The following UGT1A1 variants were observed in gnomAD, a reference collection of about 807,000 sequenced individuals.
UGT1A1 encodes UDP-glucuronosyltransferase 1A1.
Under a neutral mutation model 40.6 loss-of-function variants are expected in UGT1A1, and 33 were observed. The ratio of observed to expected loss-of-function variants is 0.81; its 90% CI spans 0.62 to 1.09. The LOEUF is 1.09. Ranked by LOEUF, UGT1A1 falls within the 50% of genes least tolerant of loss-of-function variation. The pLI is 0.00. For missense variants in UGT1A1, 694 were observed against 671.2 expected (o/e 1.03, Z -0.38); for synonymous variants, 249 against 265.0 (o/e 0.94, Z 0.59).
chr2:233,765,939 C>T (rs570894932), intron 1 of UGT1A1, among the ~76,000 whole-genome samples: 8 of 152,214 alleles, frequency 5.3e-5, no homozygotes, highest in African/African-American at 1.7e-4. Flanking sequence ...GGTTGTGGGG[C>T]TCTGACCTCA....
At position 233,768,160 on chromosome 2, in the gene UGT1A1, G is replaced by A. The variant is rs35295390; in HGVS notation, c.1085-60G>A. The A allele has an allele frequency of 1.5e-4, 241 of 1,613,276 alleles. 1 individual carries two copies. The African/African-American group carries it at 2.5e-3, about 17-fold the overall frequency. ...TTTGGAGTGTTTTCAGAACCTAGAT[G>A]TGTCCAGCTGTGAAACTCAGAGATG... On this transcript the variant is annotated intron_variant, in intron 3 of 4. Coordinates refer to ENST00000305208, the MANE Select transcript of UGT1A1 (RefSeq NM_000463.3).
In UGT1A1 at chr2:233,767,087, T is replaced by A; in HGVS notation, c.918T>A (p.Ser306=). 1 of 1,614,180 alleles carries A rather than the reference T, an allele frequency of 6.2e-7. No homozygotes were observed. The highest frequency in any genetic ancestry group is 8.5e-7 in the Non-Finnish European group (1 of 1,180,034). The change falls in exon 2 of 5, where the codon TCT becomes TCA. Residue 306 remains serine, a synonymous_variant. Coordinates refer to ENST00000305208, the MANE Select transcript of UGT1A1 (RefSeq NM_000463.3). ...GAGAACATGGAATTGTGGTTTTCTC[T>A]TTGGGATCAATGGTCTCAGAAATTC... is the stretch of plus-strand genomic sequence containing the variant. The part of the protein sequence containing the change: ...ASGEHGIVVF[S]LGSMVSEIPE...
chr2:233,761,975 T>C (rs1697919951), intron 1 of UGT1A1, among the ~76,000 whole-genome samples: 1 of 152,208 alleles, frequency 6.6e-6, no homozygotes, highest in South Asian at 2.1e-4. Flanking sequence ...TGATATCACC[T>C]TCGGAGGTGA....
Position 233,769,430 on chromosome 2 carries a change from C to A in UGT1A1, c.1304+991C>A. On this transcript the variant is annotated intron_variant, in intron 4 of 4. Transcript: ENST00000305208. This position sits in a 1 kb window ranked among gnomAD's most constrained non-coding sequence, Gnocchi z 4.4. ...GTGTGCGTTTGTGCATGTGGCTGTG[C>A]TCATGTGTGGGTGCACACGTGTGCA... 1 of 1,537,408 alleles carries A rather than the reference C, an allele frequency of 6.5e-7. No individual in the cohort carries two copies. Among genetic ancestry groups the A allele is most frequent in the Non-Finnish European group, 8.9e-7 (1 of 1,118,580 alleles).
Position 233,769,399 on chromosome 2 carries a change from ATGTGCGTGTGCGTT to A in UGT1A1, c.1304+966_1304+979del. On this transcript the variant is annotated intron_variant, in intron 4 of 4. Coordinates refer to ENST00000305208, the MANE Select transcript of UGT1A1 (RefSeq NM_000463.3). This position sits in a 1 kb window ranked among gnomAD's most constrained non-coding sequence, Gnocchi z 4.4. ...ATCCGACAATAGATACTGTGTGCATATGTGCGTGTGCGTTTGTGCATGTGGCTGTGCTCATGTGT... is the reference window on the plus strand; with the variant it reads ...ATCCGACAATAGATACTGTGTGCATATGTGCATGTGGCTGTGCTCATGTGT... 1 of 1,170,288 alleles carries A rather than the reference ATGTGCGTGTGCGTT, an allele frequency of 8.5e-7. No homozygotes were observed. Among genetic ancestry groups the A allele is most frequent in the Non-Finnish European group, 1.2e-6 (1 of 810,196 alleles). 72.5% of individuals were successfully genotyped at this position (1,170,288 alleles called of 1,614,324 possible).
chr2:233,764,151 G>A (rs1391990112), intron 1 of UGT1A1, among the ~76,000 whole-genome samples: 1 of 152,184 alleles, frequency 6.6e-6, no homozygotes. Flanking sequence ...CATTTTGGCT[G>A]GTGAAGTCTC....
chr2:233,760,714 A>G lies in UGT1A1; in HGVS notation c.427A>G (p.Ser143Gly). ...NKELMASLAE[S>G]SFDVMLTDPF... ...GGAGCTCATGGCCTCCCTGGCAGAA[A>G]GCAGCTTTGATGTCATGCTGACGGA... The change falls in exon 1 of 5, where the codon AGC becomes GGC. Residue 143 changes from serine (S) to glycine (G), a missense_variant. By Grantham distance (56) the Ser-to-Gly change is moderately conservative. Transcript: ENST00000305208. 6.2e-7 allele frequency: 1 copy of G among 1,614,210 alleles called. No individual in the cohort carries two copies. Among genetic ancestry groups the G allele is most frequent in the Non-Finnish European group, 8.5e-7 (1 of 1,180,044 alleles).
intron 1 of UGT1A1, among the ~76,000 whole-genome samples, chr2:233,766,276 C>T (rs1021162182): frequency 2.0e-5 from 3 of 151,848 alleles, no homozygotes; most frequent in Non-Finnish European, 2.9e-5. Flanking sequence ...GGCTCGGTGG[C>T]CCGGGCTCGG....
intron 4 of UGT1A1, chr2:233,771,576 T>C (rs1332686610): frequency 6.6e-6 from 1 of 152,308 alleles, no homozygotes; most frequent in Admixed American, 6.5e-5. Flanking sequence ...GGTGGTTGTT[T>C]ACAACTTCAA....
chr2:233,771,017 G>A (rs964132313), intron 4 of UGT1A1: 3 of 152,186 alleles, frequency 2.0e-5, no homozygotes, highest in African/African-American at 7.2e-5. Flanking sequence ...GCAGGAGCGA[G>A]AGAGAGTTGG....
chr2:233,773,036 G>A lies in UGT1A1; in HGVS notation c.*477G>A. ...TGCCACCTTGTGTGTTTAAAGAAGG[G>A]AAGCTTTGTACCTTTAGAGTGTAGG... On this transcript the variant is annotated 3_prime_UTR_variant, in exon 5 of 5. Coordinates refer to ENST00000305208, the MANE Select transcript of UGT1A1 (RefSeq NM_000463.3). 1 of 196,980 alleles carries A rather than the reference G, an allele frequency of 5.1e-6. No individual in the cohort carries two copies. Among genetic ancestry groups the A allele is most frequent in the South Asian group, 9.8e-5 (1 of 10,240 alleles). The allele number at this position is 196,980 out of a possible 1,614,324, so 12.2% of individuals were successfully genotyped here. A position where few individuals can be genotyped will look rare whatever the true frequency, so the allele number is the denominator to read the frequency against.
At chr2:233,768,582 CTTTTTTTTTT>C (rs139595073) in intron 4 of UGT1A1, 143 bp downstream of exon 4, 137,204 of 1,033,644 alleles carry the variant, frequency 0.13, 3,227 homozygotes, top group African/African-American at 0.2. Flanking sequence ...TTTATTTCTT[CTTTTTTTTTT>C]TTTTTTTTTT....
Position 233,769,730 on chromosome 2 carries a change from C to A in UGT1A1, c.1304+1291C>A. On this transcript the variant is annotated intron_variant, in intron 4 of 4. Transcript: ENST00000305208. The surrounding 1 kb of genome is among the most constrained non-coding windows in gnomAD (Gnocchi z 4.4). The stretch of plus-strand genomic sequence containing the variant: ...GTTGGCTAGGCACCATGGCACACGC[C>A]TGTAGTCCCAGCCACTCTGGAGGCT... The A allele has an allele frequency of 6.8e-7, 1 of 1,468,358 alleles. No homozygotes were observed. The highest frequency in any genetic ancestry group is 9.0e-7 in the Non-Finnish European group (1 of 1,108,860). 91.0% of individuals were successfully genotyped at this position (1,468,358 alleles called of 1,614,324 possible).
intron 1 of UGT1A1, among the ~76,000 whole-genome samples, chr2:233,765,526 T>G (rs1002018733): frequency 1.3e-5 from 2 of 151,960 alleles, no homozygotes; most frequent in East Asian, 3.9e-4. Flanking sequence ...AAACACCGCA[T>G]GTTCTCACTC....
chr2:233,769,914 G>A lies in UGT1A1; in HGVS notation c.1304+1475G>A, dbSNP rs530436161. ...AACCTGAGCATCATGTGCCCAGAGCGTTGGGTGGTGTGGTCCCATTCCTTC... is the reference window on the plus strand; with the variant it reads ...AACCTGAGCATCATGTGCCCAGAGCATTGGGTGGTGTGGTCCCATTCCTTC... On this transcript the variant is annotated intron_variant, in intron 4 of 4. Coordinates refer to ENST00000305208, the MANE Select transcript of UGT1A1 (RefSeq NM_000463.3). The surrounding 1 kb of genome is among the most constrained non-coding windows in gnomAD (Gnocchi z 4.4). The A allele has an allele frequency of 6.5e-5, 19 of 292,140 alleles. No homozygotes were observed. The highest frequency in any genetic ancestry group is 1.0e-3 in the Middle Eastern group (1 of 988). 18.1% of individuals were successfully genotyped at this position (292,140 alleles called of 1,614,324 possible).
At chr2:233,766,899 A>T in intron 1 of UGT1A1, 135 bp from the exon 2 acceptor site, 2 of 1,486,470 alleles carry the variant, frequency 1.3e-6, no homozygotes, top group Non-Finnish European at 1.8e-6. Flanking sequence ...CATATTAATA[A>T]TTTTTTACTC....
rs944013638 is a variant in UGT1A1, at chr2:233,769,033, G to A, written c.1304+594G>A. 3.3e-5 allele frequency among the ~76,000 whole-genome samples: 5 copies of A among 152,006 alleles called. No individual in the cohort carries two copies. Among genetic ancestry groups the A allele is most frequent in the Admixed American group, 3.3e-4 (5 of 15,274 alleles). ...ATTTACATAAAAAGTTGCCATAATA[G>A]ACATCTGATCCATAAGTTTCCTGCA... On this transcript the variant is annotated intron_variant, in intron 4 of 4. Coordinates refer to ENST00000305208, the MANE Select transcript of UGT1A1 (RefSeq NM_000463.3). This position sits in a 1 kb window ranked among gnomAD's most constrained non-coding sequence, Gnocchi z 4.4.
rs1387531688 is a variant in UGT1A1 at position 233,769,376 on chromosome 2, C to T, written c.1304+937C>T. On this transcript the variant is annotated intron_variant, in intron 4 of 4. Transcript: ENST00000305208. The surrounding 1 kb of genome is among the most constrained non-coding windows in gnomAD (Gnocchi z 4.4). ...AGTGGTGGCCAGTGGTAGATTTCAT[C>T]CGACAATAGATACTGTGTGCATATG... Among the ~76,000 whole-genome samples the T allele has an allele frequency of 6.6e-6, 1 of 152,162 alleles. No homozygotes were observed. The highest frequency in any genetic ancestry group is 1.5e-5 in the Non-Finnish European group (1 of 68,030).
In UGT1A1 at chr2:233,769,769, T is replaced by A. The variant is rs979940706; in HGVS notation, c.1304+1330T>A. 1.4e-6 allele frequency: 2 copies of A among 1,395,436 alleles called. No individual in the cohort carries two copies. Among genetic ancestry groups the A allele is most frequent in the Non-Finnish European group, 1.9e-6 (2 of 1,067,626 alleles). The allele number at this position is 1,395,436 out of a possible 1,614,324, so 86.4% of individuals were successfully genotyped here. ...ACTCTGGAGGCTAAGGCGGGAGGAT[T>A]GCTTGAGCCCAGAAGTTGGAGGCTG... is the stretch of plus-strand genomic sequence containing the variant. On this transcript the variant is annotated intron_variant, in intron 4 of 4. Transcript: ENST00000305208. This position sits in a 1 kb window ranked among gnomAD's most constrained non-coding sequence, Gnocchi z 4.4.
Sources: gnomAD v4.1 joint callset for allele counts (sites outside exome capture counted in the v4.1 genomes callset) on GRCh38, gnomAD v4.1.1 for gene constraint, Gnocchi (gnomAD v3.1) non-coding constraint, MANE v1.5 for transcripts, NCBI Gene and HGNC (gene_info 2026-07-23, HGNC 2026-07-21) for gene names.